CYP2C19: variants seen among roughly 807,000 people sequenced by gnomAD.
CYP2C19 encodes cytochrome P450 2C19.
A neutral mutation model predicts 40.9 loss-of-function variants in CYP2C19; 59 were observed. The observed-to-expected ratio is 1.44, with a 90% CI of 1.17 to 1.79. CYP2C19 has a LOEUF of 1.79. Ranked by LOEUF, CYP2C19 falls within the 40% of genes most tolerant of loss-of-function variation. The pLI is 0.00. For missense variants in CYP2C19, 754 were observed against 596.9 expected (o/e 1.26, Z -2.74); for synonymous variants, 253 against 208.7 (o/e 1.21, Z -1.83).
At chr10:94,845,769 A>T (rs1388272586) in intron 7 of CYP2C19, among the ~76,000 whole-genome samples, 1 of 152,116 alleles carries the variant, frequency 6.6e-6, no homozygotes, top group Non-Finnish European at 1.5e-5. Flanking sequence ...CTTATTTATA[A>T]ATATTCAAGG....
chr10:94,841,634 T>A (rs866502072), intron 6 of CYP2C19, among the ~76,000 whole-genome samples: 7 of 152,252 alleles, frequency 4.6e-5, no homozygotes, highest in South Asian at 4.1e-4. Context: ...CTTAGAGCTA[T>A]AAACTTTCCT....
At chr10:94,815,298 T>C (rs994369860) in intron 5 of CYP2C19, among the ~76,000 whole-genome samples, 1 of 152,190 alleles carries the variant, frequency 6.6e-6, no homozygotes, top group African/African-American at 2.4e-5. Context: ...TCTATTTCAG[T>C]GGTGTTAACT....
chr10:94,850,435 C>T (rs1849635355), intron 8 of CYP2C19, among the ~76,000 whole-genome samples: 1 of 152,122 alleles, frequency 6.6e-6, no homozygotes, highest in African/African-American at 2.4e-5. Flanking sequence ...CATGGTGTCC[C>T]TCACCCCCTA....
rs17882291 is a variant in CYP2C19, at chr10:94,775,448, G to A, written c.390G>A (p.Thr130=). The A allele has an allele frequency of 2.7e-5, 44 of 1,613,930 alleles. No homozygotes were observed. The highest frequency in any genetic ancestry group is 1.6e-4 in the Middle Eastern group (1 of 6,084). ...WKEIRRFSLM[T]LRNFGMGKRS... is the part of the protein sequence containing the mutation. Reference sequence around the variant, plus strand: ...AGATCCGGCGTTTCTCCCTCATGACGCTGCGGAATTTTGGGATGGGGAAGA... The same window carrying A: ...AGATCCGGCGTTTCTCCCTCATGACACTGCGGAATTTTGGGATGGGGAAGA... Residue 130 remains threonine, a synonymous_variant, in exon 3 of 9, where the codon ACG becomes ACA. Coordinates refer to ENST00000371321, the MANE Select transcript of CYP2C19 (RefSeq NM_000769.4).
intron 5 of CYP2C19, among the ~76,000 whole-genome samples, chr10:94,797,935 A>G (rs1410312026): frequency 1.3e-5 from 2 of 152,046 alleles, no homozygotes. Context: ...TCTTTTCAAA[A>G]TATCAGCTCC....
At chr10:94,819,089 T>C (rs1387570421) in intron 5 of CYP2C19, among the ~76,000 whole-genome samples, 1 of 150,862 alleles carries the variant, frequency 6.6e-6, no homozygotes, top group Non-Finnish European at 1.5e-5. Flanking sequence ...AGAATCTCAC[T>C]CAAAACTGCT....
chr10:94,836,528 A>G (rs1161388861), intron 6 of CYP2C19, among the ~76,000 whole-genome samples: 3 of 152,146 alleles, frequency 2.0e-5, no homozygotes, highest in Non-Finnish European at 4.4e-5. Context: ...ATGGATATTG[A>G]CTTTCTGAGT....
intron 5 of CYP2C19, among the ~76,000 whole-genome samples, chr10:94,792,376 G>T (rs896742703): frequency 1.3e-5 from 2 of 151,510 alleles, no homozygotes; most frequent in African/African-American, 4.8e-5. Flanking sequence ...TTAATATTCT[G>T]TGAATTTGAT....
At chr10:94,846,652 AT>A (rs894348640) in intron 7 of CYP2C19, among the ~76,000 whole-genome samples, 5 of 151,888 alleles carry the variant, frequency 3.3e-5, no homozygotes, top group Admixed American at 2.0e-4. Context: ...TTCCTTCTGT[AT>A]TTTTTAAACT....
chr10:94,775,777 T>C lies in CYP2C19; in HGVS notation c.481+238T>C, dbSNP rs1027055692. ...AAGTTCATTTAATCCTATGTTCTCCTGAACTTTGCTTCTTTGTTTTCAAAT... is the reference window on the plus strand; with the variant it reads ...AAGTTCATTTAATCCTATGTTCTCCCGAACTTTGCTTCTTTGTTTTCAAAT... On this transcript the variant is annotated intron_variant, in intron 3 of 8. Coordinates refer to ENST00000371321, the MANE Select transcript of CYP2C19 (RefSeq NM_000769.4). 5 of 599,730 alleles carry C rather than the reference T, an allele frequency of 8.3e-6. No individual in the cohort carries two copies. In the African/African-American group the frequency reaches 9.2e-5, roughly 11 times the overall value. The allele number at this position is 599,730 out of a possible 1,614,324, so 37.2% of individuals were successfully genotyped here. A position where few individuals can be genotyped will look rare whatever the true frequency, so the allele number is the denominator to read the frequency against.
chr10:94,765,981 AG>A (rs1337830886), intron 1 of CYP2C19, among the ~76,000 whole-genome samples: 3 of 152,140 alleles, frequency 2.0e-5, no homozygotes, highest in African/African-American at 7.2e-5. Context: ...CTTGTGTAAT[AG>A]GTGAGGTTGG....
chr10:94,821,928 C>G (rs1199501539), intron 6 of CYP2C19, among the ~76,000 whole-genome samples: 1 of 151,988 alleles, frequency 6.6e-6, no homozygotes, highest in Non-Finnish European at 1.5e-5. Context: ...GTTCTCCAAC[C>G]CACATCCCTT....
chr10:94,846,690 A>C (rs549630403), intron 7 of CYP2C19, among the ~76,000 whole-genome samples: 1 of 151,510 alleles, frequency 6.6e-6, no homozygotes, highest in South Asian at 2.1e-4. Flanking sequence ...TTATTTATTT[A>C]TTTTATTATT....
At chr10:94,803,331 T>C (rs1439178485) in intron 5 of CYP2C19, among the ~76,000 whole-genome samples, 1 of 152,188 alleles carries the variant, frequency 6.6e-6, no homozygotes, top group Non-Finnish European at 1.5e-5. Context: ...TCCATAGCTG[T>C]GTTTACTTCT....
chr10:94,852,610 A>G, intron 8 of CYP2C19, 123 bp from the exon 9 acceptor site: 1 of 1,025,498 alleles, frequency 9.8e-7, no homozygotes. Context: ...CTATCTACTC[A>G]TCCCTCCTAT....
chr10:94,826,056 T>G (rs1849215121), intron 6 of CYP2C19, among the ~76,000 whole-genome samples: 1 of 151,510 alleles, frequency 6.6e-6, no homozygotes, highest in African/African-American at 2.4e-5. Context: ...TTTTGGTTAC[T>G]GTAGCCTTGT....
At chr10:94,785,068 A>G (rs1375958492) in intron 5 of CYP2C19, among the ~76,000 whole-genome samples, 2 of 152,136 alleles carry the variant, frequency 1.3e-5, no homozygotes, top group Non-Finnish European at 2.9e-5. Flanking sequence ...TCAAAACATT[A>G]AACTCTTACA....
intron 2 of CYP2C19, 47 bp downstream of exon 2, chr10:94,775,267 G>A: frequency 1.9e-6 from 3 of 1,613,438 alleles, no homozygotes; most frequent in Non-Finnish European, 8.5e-7. Context: ...GGGATGGGGA[G>A]GATGGAAAAC....
intron 6 of CYP2C19, among the ~76,000 whole-genome samples, chr10:94,830,063 T>G (rs1849304249): frequency 6.6e-6 from 1 of 152,196 alleles, no homozygotes; most frequent in African/African-American, 2.4e-5. Flanking sequence ...TTCAAAGCTG[T>G]CAGACAGGGA....
Sources: allele counts gnomAD v4.1 joint callset (sites outside exome capture counted in the v4.1 genomes callset), GRCh38; gene constraint gnomAD v4.1.1; transcripts MANE v1.5; gene names NCBI Gene and HGNC (gene_info 2026-07-23, HGNC 2026-07-21).